Variants in C2 observed in about 807,000 individuals in gnomAD.
The protein encoded by C2 is C3/C5 convertase.
Under a neutral mutation model 85.2 loss-of-function variants are expected in C2, and 64 were observed. That is an observed-to-expected ratio of 0.75 (90% CI 0.61 to 0.92). The LOEUF (loss-of-function observed/expected upper bound fraction) is 0.92, where lower values mean the gene tolerates loss of function less well. Ranked by LOEUF, C2 falls within the 40% of genes least tolerant of loss-of-function variation. C2 has a pLI of 0.00. For synonymous variants in C2, 311 were observed against 370.8 expected (o/e 0.84, Z 1.85); for missense variants, 820 against 971.6 (o/e 0.84, Z 2.07).
chr6:31,909,309 T>C (rs1184747377), intron 1 of C2, among the ~76,000 whole-genome samples: 2 of 151,900 alleles, frequency 1.3e-5, no homozygotes, highest in African/African-American at 4.8e-5. Flanking sequence ...TTATTATTAT[T>C]ATTTTTTTTT....
At position 31,936,404 on chromosome 6, in the gene C2, C is replaced by G. The variant is rs567546472; in HGVS notation, c.988+343C>G. On this transcript the variant is annotated intron_variant, in intron 7 of 17. Transcript: ENST00000299367. Reference sequence around the variant, plus strand: ...TGTAAAGTGCCTGGTTGGCACTTAGCAAATGGCTGAAGCCACTCAAGGTTT... The same window carrying G: ...TGTAAAGTGCCTGGTTGGCACTTAGGAAATGGCTGAAGCCACTCAAGGTTT... 26 of 355,892 alleles carry G rather than the reference C, an allele frequency of 7.3e-5. No individual in the cohort carries two copies. In the South Asian group the frequency reaches 7.4e-4, roughly 10 times the overall value. The allele number at this position is 355,892 out of a possible 1,614,324, so 22.0% of individuals were successfully genotyped here. A position where few individuals can be genotyped will look rare whatever the true frequency, so the allele number is the denominator to read the frequency against.
chr6:31,943,755 A>G lies in C2; in HGVS notation c.1679A>G (p.Asp560Gly). Residue 560 changes from aspartate (D) to glycine (G), a missense_variant, in exon 13 of 18, where the codon GAT becomes GGT. Coordinates refer to ENST00000299367, the MANE Select transcript of C2 (RefSeq NM_000063.6). This position sits in a 1 kb window ranked among gnomAD's most constrained non-coding sequence, Gnocchi z 6.4. ...KNQGILEFYG[D>G]DIALLKLAQK... ...CAGGGAATCCTGGAGTTCTATGGTG[A>G]TGACATAGCTCTGCTGAAGCTGGCC... The G allele has an allele frequency of 6.2e-7, 1 of 1,613,086 alleles. No homozygotes were observed. Among genetic ancestry groups the G allele is most frequent in the East Asian group, 2.2e-5 (1 of 44,884 alleles).
At chr6:31,911,001 TA>T (rs1014931744) in intron 1 of C2, among the ~76,000 whole-genome samples, 5 of 147,634 alleles carry the variant, frequency 3.4e-5, no homozygotes, top group Admixed American at 6.8e-5. Context: ...AAAAAATAAA[TA>T]AATAAAATGA....
At chr6:31,924,650 C>T (rs944952652), upstream of C2, among the ~76,000 whole-genome samples, 4 of 152,136 alleles carry the variant, frequency 2.6e-5, no homozygotes, top group Admixed American at 1.3e-4. Context: ...GAAAGAAAGG[C>T]CCTTTCTTTT....
In C2 at chr6:31,943,085, T is replaced by C; in HGVS notation, c.1346T>C (p.Phe449Ser). The C allele has an allele frequency of 6.2e-7, 1 of 1,612,990 alleles. No homozygotes were observed. The highest frequency in any genetic ancestry group is 8.5e-7 in the Non-Finnish European group (1 of 1,179,998). ...LQDTKALHQV[F>S]EHMLDVSKLT... Reference sequence around the variant, plus strand: ...GACACAAAGGCTCTGCACCAGGTCTTTGAACATATGCTGGGTGAGTGAGCT... The same window carrying C: ...GACACAAAGGCTCTGCACCAGGTCTCTGAACATATGCTGGGTGAGTGAGCT... The change falls in exon 10 of 18, where the codon TTT becomes TCT. Residue 449 changes from phenylalanine to serine, a missense_variant. Transcript: ENST00000299367. The surrounding 1 kb of genome is among the most constrained non-coding windows in gnomAD (Gnocchi z 6.4).
At chr6:31,923,094 G>C (rs529149935), upstream of C2, among the ~76,000 whole-genome samples, 37 of 152,160 alleles carry the variant, frequency 2.4e-4, no homozygotes, top group Admixed American at 5.9e-4. Context: ...CTGGGCTTTT[G>C]AATGGTACAA....
At position 31,922,370 on chromosome 6, in the gene C2, C is replaced by A. The variant is rs776227864; in HGVS notation, c.-100+2344C>A. On this transcript the variant is annotated intron_variant, in intron 1 of 3. Transcript: ENST00000413154. This position sits in a 1 kb window ranked among gnomAD's most constrained non-coding sequence, Gnocchi z 4.8. ...GAGGGGTGGCAGATCCTAGGATGAC[C>A]GCGAAGTCCATGCCCAAGTGGCCAG... Among the ~76,000 whole-genome samples the A allele has an allele frequency of 9.7e-4, 147 of 152,168 alleles. No homozygotes were observed. Among genetic ancestry groups the A allele is most frequent in the Middle Eastern group, 3.4e-3 (1 of 294 alleles).
Position 31,943,006 on chromosome 6 carries a change from C to T in C2, c.1267C>T (p.Leu423=), listed in dbSNP as rs961927438. ...CAAGCTGGATGTGGACTGGAGAGAA[C>T]TGAATGAGCTAGGGTCCAAGAAGGA... ...VGKLDVDWRE[L]NELGSKKDGE... The change falls in exon 10 of 18, where the codon CTG becomes TTG. Residue 423 remains leucine (L), a synonymous_variant. Coordinates refer to ENST00000299367, the MANE Select transcript of C2 (RefSeq NM_000063.6). The surrounding 1 kb of genome is among the most constrained non-coding windows in gnomAD (Gnocchi z 6.4). 3 of 1,613,058 alleles carry T rather than the reference C, an allele frequency of 1.9e-6. No individual in the cohort carries two copies. The highest frequency in any genetic ancestry group is 2.2e-5 in the East Asian group (1 of 44,888).
chr6:31,932,843 C>G (rs559422510), intron 3 of C2, among the ~76,000 whole-genome samples: 2 of 152,390 alleles, frequency 1.3e-5, no homozygotes, highest in Non-Finnish European at 2.9e-5. Context: ...ACTGAGTGAA[C>G]GAGACTCCGT....
At chr6:31,907,854 T>TTC (rs1767821773) in intron 1 of C2, among the ~76,000 whole-genome samples, 1 of 143,314 alleles carries the variant, frequency 7.0e-6, no homozygotes, top group South Asian at 2.3e-4. Context: ...TTTTTTTTTT[T>TTC]TTTTTTTTTG....
At chr6:31,931,804 C>T (rs771882600) in intron 3 of C2, among the ~76,000 whole-genome samples, 3 of 152,216 alleles carry the variant, frequency 2.0e-5, no homozygotes, top group South Asian at 4.1e-4. Context: ...GGGTGGTGGC[C>T]GGGCAGAGGG....
At position 31,945,276 on chromosome 6, in the gene C2, A is replaced by G. The variant is rs1269305617; in HGVS notation, c.2178A>G (p.Arg726=). The part of the protein sequence containing the change: ...RAPRSKVPPP[R]DFHINLFRMQ... ...CTCGTAGCAAGGTCCCGCCGCCACG[A>G]GACTTTCACATCAATCTCTTCCGCA... is the stretch of plus-strand genomic sequence containing the variant. The change falls in exon 18 of 18, where the codon CGA becomes CGG. Residue 726 remains arginine, a synonymous_variant. Transcript: ENST00000299367. The surrounding 1 kb of genome is among the most constrained non-coding windows in gnomAD (Gnocchi z 5.3). 6.2e-7 allele frequency: 1 copy of G among 1,612,846 alleles called. No individual in the cohort carries two copies. Among genetic ancestry groups the G allele is most frequent in the Admixed American group, 1.7e-5 (1 of 60,000 alleles).
chr6:31,944,902 C>T lies in C2; in HGVS notation c.2029+49C>T. On this transcript the variant is annotated intron_variant, in intron 16 of 17. Coordinates refer to ENST00000299367, the MANE Select transcript of C2 (RefSeq NM_000063.6). The surrounding 1 kb of genome is among the most constrained non-coding windows in gnomAD (Gnocchi z 5.1). ...TTCCCAAGGGGAAGGCCACCTGTGT[C>T]TCTGTGGCCAGCATGCATGCCAGAA... The T allele has an allele frequency of 1.2e-6, 2 of 1,612,454 alleles. No homozygotes were observed. Among genetic ancestry groups the T allele is most frequent in the Non-Finnish European group, 1.7e-6 (2 of 1,179,446 alleles).
chr6:31,928,076 C>A lies in C2; in HGVS notation c.168C>A (p.Tyr56Ter). 2.5e-6 allele frequency: 4 copies of A among 1,614,114 alleles called. No individual in the cohort carries two copies. Among genetic ancestry groups the A allele is most frequent in the Non-Finnish European group, 2.5e-6 (3 of 1,179,998 alleles). The change falls in exon 2 of 18, where the codon TAC (tyrosine) becomes TAA (stop). Residue 56 changes from tyrosine to a stop codon, truncating the protein, a stop_gained. Transcript: ENST00000299367. LOFTEE classifies it high-confidence loss of function. ...CCTACTCCTGCCCCCAGGGCCTGTACCCATCCCCAGCATCACGGCTGTGCA... is the reference window on the plus strand; with the variant it reads ...CCTACTCCTGCCCCCAGGGCCTGTAACCATCCCCAGCATCACGGCTGTGCA... Reference protein sequence around the residue: ...LLTYSCPQGLYPSPASRLCKS... With the variant: ...LLTYSCPQGL
intron 7 of C2, 84 bp from the exon 8 acceptor site, chr6:31,937,235 T>G: frequency 1.5e-6 from 2 of 1,368,254 alleles, no homozygotes; most frequent in Non-Finnish European, 2.1e-6. Context: ...GCATTTCCAA[T>G]AATTGGGGGA....
upstream of C2, among the ~76,000 whole-genome samples, chr6:31,917,102 C>T (rs1165831532): frequency 2.0e-5 from 3 of 146,644 alleles, no homozygotes; most frequent in Admixed American, 1.4e-4. Flanking sequence ...ACCCAGGAGG[C>T]GGAGGTTGCA....
chr6:31,937,987 A>G (rs1770562445), intron 8 of C2, among the ~76,000 whole-genome samples: 1 of 152,022 alleles, frequency 6.6e-6, no homozygotes, highest in African/African-American at 2.4e-5. Flanking sequence ...CCTGGGTGAC[A>G]GACCAAGATC....
In C2 at chr6:31,935,751, G is replaced by A. The variant is rs765018223; in HGVS notation, c.850-172G>A. 5.9e-5 allele frequency among the ~76,000 whole-genome samples: 9 copies of A among 152,068 alleles called. No individual in the cohort carries two copies. The highest frequency in any genetic ancestry group is 1.9e-4 in the East Asian group (1 of 5,180). ...TTGGGATTCAGGCATGAGCCACCGC[G>A]CCCAGCCCCTAGCTTCTTCCTAACA... On this transcript the variant is annotated intron_variant, in intron 6 of 17. Coordinates refer to ENST00000299367, the MANE Select transcript of C2 (RefSeq NM_000063.6). The surrounding 1 kb of genome is among the most constrained non-coding windows in gnomAD (Gnocchi z 4.3).
chr6:31,931,903 C>A (rs1483261605), intron 3 of C2, among the ~76,000 whole-genome samples: 1 of 77,016 alleles, frequency 1.3e-5, no homozygotes, highest in African/African-American at 3.5e-5. Context: ...CTGACCCCCC[C>A]ACCTCCCTCC....
Sources: gnomAD v4.1 joint callset for allele counts (sites outside exome capture counted in the v4.1 genomes callset) on GRCh38, gnomAD v4.1.1 for gene constraint, Gnocchi (gnomAD v3.1) non-coding constraint, MANE v1.5 for transcripts, NCBI Gene and HGNC (gene_info 2026-07-23, HGNC 2026-07-21) for gene names.